Variants in VPS9D1 observed in about 807,000 individuals in gnomAD.
VPS9D1 encodes VPS9 domain containing 1, also known as VPS9 domain-containing protein 1.
A neutral mutation model predicts 75.8 loss-of-function variants in VPS9D1; 78 were observed. That is an observed-to-expected ratio of 1.03 (90% CI 0.86 to 1.24). The LOEUF (loss-of-function observed/expected upper bound fraction) is 1.24. Ranked by LOEUF, VPS9D1 falls within the 50% of genes most tolerant of loss-of-function variation. VPS9D1 has a pLI of 0.00. For synonymous variants in VPS9D1, 481 were observed against 385.6 expected (o/e 1.25, Z -2.90); for missense variants, 1,057 against 847.7 (o/e 1.25, Z -3.07).
intron 9 of VPS9D1, 56 bp from the exon 10 acceptor site, chr16:89,711,066 A>G: frequency 7.1e-7 from 1 of 1,415,170 alleles, no homozygotes; most frequent in East Asian, 2.5e-5. Flanking sequence ...CGTGGCATCC[A>G]CAGGTGCCGC....
intron 2 of VPS9D1, 74 bp downstream of exon 2, chr16:89,718,953 G>GAT: frequency 7.5e-7 from 1 of 1,334,116 alleles, no homozygotes; most frequent in Non-Finnish European, 1.1e-6. Context: ...GACCTCAGGT[G>GAT]ATAGCCCGCC....
Position 89,711,317 on chromosome 16 carries a change from G to A in VPS9D1, c.833+10C>T, listed in dbSNP as rs774950840. On this transcript the variant is annotated intron_variant, in intron 9 of 14. Transcript: ENST00000389386. ...CGCAGGGGCTCTGTGGGGCCTGAAG[G>A]CCCAGCTACCTGAGCAGGTGTGAGA... 3.1e-6 allele frequency: 5 copies of A among 1,603,578 alleles called. No homozygotes were observed. In the East Asian group the frequency reaches 6.7e-5, roughly 22 times the overall value.
intron 10 of VPS9D1, among the ~76,000 whole-genome samples, 200 bp from the exon 11 acceptor site, chr16:89,710,106 G>A (rs1483404993): frequency 6.6e-6 from 1 of 152,206 alleles, no homozygotes; most frequent in Non-Finnish European, 1.5e-5. Flanking sequence ...GCCCTGTTGG[G>A]CCAGCAGCCT....
At chr16:89,714,805 G>A (rs1303236821) in intron 4 of VPS9D1, among the ~76,000 whole-genome samples, 1 of 151,948 alleles carries the variant, frequency 6.6e-6, no homozygotes, top group Non-Finnish European at 1.5e-5. Flanking sequence ...CACGATCTTG[G>A]CTCACTGCAA....
rs770934364 is a variant in VPS9D1, at chr16:89,716,553, C to T, written c.340G>A (p.Val114Ile). Residue 114 changes from valine (V) to isoleucine (I), a missense_variant, in exon 4 of 15, where the codon GTA (valine) becomes ATA (isoleucine). Val to Ile is a conservative substitution (Grantham distance 29). Coordinates refer to ENST00000389386, the MANE Select transcript of VPS9D1 (RefSeq NM_004913.3). Reference sequence around the variant, plus strand: ...AGCTTTCCTCCTTCATCGGAGTATACACGGCGGTGTCGGCCGGCAGGCTGG... The same window carrying T: ...AGCTTTCCTCCTTCATCGGAGTATATACGGCGGTGTCGGCCGGCAGGCTGG... ...IPQPAGRHRR[V>I]YSDEGGKLSP... is the part of the protein sequence containing the mutation. 1.2e-6 allele frequency: 2 copies of T among 1,614,086 alleles called. No homozygotes were observed.
At chr16:89,708,059 G>A (rs1293848407) in intron 14 of VPS9D1, 105 bp from the exon 15 acceptor site, 1 of 1,163,294 alleles carries the variant, frequency 8.6e-7, no homozygotes, top group Non-Finnish European at 1.3e-6. Flanking sequence ...CCTGGGTGCT[G>A]AGGGTGGGCA....
chr16:89,714,019 C>T (rs1423320166), intron 4 of VPS9D1, among the ~76,000 whole-genome samples: 2 of 152,148 alleles, frequency 1.3e-5, no homozygotes, highest in Non-Finnish European at 2.9e-5. Context: ...TCACTGCAAC[C>T]TCCGCCTCCT....
intron 8 of VPS9D1, 142 bp downstream of exon 8, chr16:89,711,740 C>T (rs1319747129): frequency 9.3e-7 from 1 of 1,070,380 alleles, no homozygotes; most frequent in Non-Finnish European, 1.3e-6. Flanking sequence ...TCACCGGGCC[C>T]TCCCACGGGC....
In VPS9D1 at chr16:89,711,001, G is replaced by A; in HGVS notation, c.843C>T (p.Asp281=). 6.9e-7 allele frequency: 1 copy of A among 1,438,894 alleles called. No homozygotes were observed. Among genetic ancestry groups the A allele is most frequent in the East Asian group, 2.5e-5 (1 of 39,814 alleles). The allele number at this position is 1,438,894 out of a possible 1,614,324, so 89.1% of individuals were successfully genotyped here. A position where few individuals can be genotyped will look rare whatever the true frequency, so the allele number is the denominator to read the frequency against. The part of the protein sequence containing the change: ...SLVSHLLSLP[D]HPIAQLLRRL... ...GCCTCAGGAGCTGCGCGATCGGGTG[G>A]TCGGGGAGGCTGCGGGAGAAGAGGA... is the stretch of plus-strand genomic sequence containing the variant. The change falls in exon 10 of 15, where the codon GAC becomes GAT. Residue 281 remains aspartate, a synonymous_variant. Transcript: ENST00000389386.
intron 1 of VPS9D1, 79 bp downstream of exon 1, chr16:89,720,684 C>G: frequency 7.7e-7 from 1 of 1,294,836 alleles, no homozygotes; most frequent in Non-Finnish European, 9.8e-7. Context: ...CCGAGCCGGC[C>G]CCGTCCTCGC....
At chr16:89,718,562 C>T (rs2061148617) in intron 2 of VPS9D1, among the ~76,000 whole-genome samples, 1 of 152,174 alleles carries the variant, frequency 6.6e-6, no homozygotes, top group Non-Finnish European at 1.5e-5. Context: ...CTATATCACA[C>T]TGAGTGTGGG....
rs1287851597 is a variant in VPS9D1, at chr16:89,713,903, T to TA, written c.432-1188dup. Reference sequence around the variant, plus strand: ...TGTGCCTGTGCTCCAGCCTGGGTGATAGAGACTCTGTCTCAAAAAATCACT... The same window carrying TA: ...TGTGCCTGTGCTCCAGCCTGGGTGATAAGAGACTCTGTCTCAAAAAATCACT... On this transcript the variant is annotated intron_variant, in intron 4 of 14. Transcript: ENST00000389386. Among the ~76,000 whole-genome samples, 3 of 152,046 alleles carry TA rather than the reference T, an allele frequency of 2.0e-5. No individual in the cohort carries two copies. In the East Asian group the frequency reaches 5.9e-4, roughly 30 times the overall value.
rs2061076020 is a variant in VPS9D1, at chr16:89,716,620, T to C, written c.273A>G (p.Lys91=). The change falls in exon 4 of 15, where the codon AAA becomes AAG. Residue 91 remains lysine, a synonymous_variant. Transcript: ENST00000389386. Reference sequence around the variant, plus strand: ...CAGGCATGGTTGGCTTCAGGCGTGTTTTCCCTGCAAGCCATGGGTAACCAG... The same window carrying C: ...CAGGCATGGTTGGCTTCAGGCGTGTCTTCCCTGCAAGCCATGGGTAACCAG... ...RAQSTAAKLG[K]TRLKPTMPAA... is the part of the protein sequence containing the mutation. The C allele has an allele frequency of 1.2e-6, 2 of 1,612,882 alleles. No individual in the cohort carries two copies. The highest frequency in any genetic ancestry group is 1.7e-6 in the Non-Finnish European group (2 of 1,179,214).
intron 2 of VPS9D1, chr16:89,718,061 C>G: frequency 2.2e-6 from 1 of 452,450 alleles, no homozygotes; most frequent in Non-Finnish European, 4.4e-6. Context: ...CAGTGGCTCC[C>G]CCTGACCTCT....
rs1188783494 is a variant in VPS9D1, at chr16:89,709,381, C to G, written c.1443G>C (p.Arg481Ser). The G allele has an allele frequency of 1.3e-6, 2 of 1,555,942 alleles. No individual in the cohort carries two copies. The highest frequency in any genetic ancestry group is 1.9e-5 in the Admixed American group (1 of 53,648). The part of the protein sequence containing the change: ...AALSRSMELY[R>S]NAPPTAIGIP... ...TGCCAATGGCGGTGGGGGGTGCATTCCTGTAGAGCTCCATGCTCCTGCTCA... is the reference window on the plus strand; with the variant it reads ...TGCCAATGGCGGTGGGGGGTGCATTGCTGTAGAGCTCCATGCTCCTGCTCA... The change falls in exon 12 of 15, where the codon AGG becomes AGC. Residue 481 changes from arginine to serine, a missense_variant. Transcript: ENST00000389386.
intron 11 of VPS9D1, 141 bp downstream of exon 11, chr16:89,709,636 G>C: frequency 2.1e-6 from 3 of 1,420,824 alleles, no homozygotes; most frequent in Non-Finnish European, 2.9e-6. Context: ...TGGCCTCAGG[G>C]TAAAGCACAG....
Position 89,711,011 on chromosome 16 carries a change from C to T in VPS9D1, c.834-1G>A, listed in dbSNP as rs1198412947. On this transcript the variant is annotated splice_acceptor_variant, in intron 9 of 14. Coordinates refer to ENST00000389386, the MANE Select transcript of VPS9D1 (RefSeq NM_004913.3). LOFTEE classifies it high-confidence loss of function. ...CTGCGCGATCGGGTGGTCGGGGAGG[C>T]TGCGGGAGAAGAGGACGTGAGAACG... 1.4e-6 allele frequency: 2 copies of T among 1,437,652 alleles called. No homozygotes were observed. The highest frequency in any genetic ancestry group is 2.9e-5 in the South Asian group (2 of 68,190). The allele number at this position is 1,437,652 out of a possible 1,614,324, so 89.1% of individuals were successfully genotyped here.
At position 89,712,444 on chromosome 16, in the gene VPS9D1, C is replaced by A. The variant is rs559590746; in HGVS notation, c.606+16G>T. ...AGTTTCCCCTCGGGGACCACCAGGG[C>A]GGTCAGAAAGGCTGCTGTCTCCTCC... is the stretch of plus-strand genomic sequence containing the variant. On this transcript the variant is annotated intron_variant, in intron 6 of 14. Coordinates refer to ENST00000389386, the MANE Select transcript of VPS9D1 (RefSeq NM_004913.3). The A allele has an allele frequency of 1.2e-6, 2 of 1,612,382 alleles. No individual in the cohort carries two copies. The highest frequency in any genetic ancestry group is 2.7e-5 in the African/African-American group (2 of 74,918).
At chr16:89,717,590 T>A (rs1448071264) in intron 2 of VPS9D1, 2 of 456,310 alleles carry the variant, frequency 4.4e-6, no homozygotes, top group African/African-American at 2.0e-5. Context: ...AGAAAACTTC[T>A]CATAGACTCC....
Sources: gnomAD v4.1 joint callset for allele counts (sites outside exome capture counted in the v4.1 genomes callset) on GRCh38, gnomAD v4.1.1 for gene constraint, MANE v1.5 for transcripts, NCBI Gene and HGNC (gene_info 2026-07-23, HGNC 2026-07-21) for gene names.